Variants in C20orf96 observed in about 807,000 individuals in gnomAD.
C20orf96 encodes chromosome 20 open reading frame 96.
In C20orf96, 57 loss-of-function variants were observed where a neutral mutation model predicts 52.6. That is an observed-to-expected ratio of 1.08 (90% confidence interval 0.88 to 1.35). The LOEUF (loss-of-function observed/expected upper bound fraction) is 1.35. Ranked by LOEUF, C20orf96 falls within the 40% of genes most tolerant of loss-of-function variation. The pLI, the probability that C20orf96 is intolerant of heterozygous loss-of-function variation, is 0.00. For synonymous variants in C20orf96, 168 were observed against 157.2 expected (o/e 1.07, Z -0.51); for missense variants, 478 against 443.6 (o/e 1.08, Z -0.70).
chr20:279,375 C>T, intron 4 of C20orf96, 45 bp from the exon 5 acceptor site: 2 of 1,571,390 alleles, frequency 1.3e-6, no homozygotes, highest in Non-Finnish European at 8.6e-7. Flanking sequence ...GCGCCCTGCC[C>T]GGCCTGAGCC....
chr20:283,863 G>C (rs1284509152), intron 4 of C20orf96, 100 bp downstream of exon 4: 1 of 829,430 alleles, frequency 1.2e-6, no homozygotes, highest in South Asian at 1.5e-5. Context: ...GAAGAAATGA[G>C]TCAAGTCTGG....
chr20:281,470 C>T (rs66940550), intron 4 of C20orf96, among the ~76,000 whole-genome samples: 55,051 of 152,016 alleles, frequency 0.36, 10,250 homozygotes, highest in East Asian at 0.48. Flanking sequence ...TTTGCTCTTT[C>T]ATTTGTTCCT....
intron 6 of C20orf96, among the ~76,000 whole-genome samples, chr20:277,717 G>A (rs1466166670): frequency 6.6e-6 from 1 of 152,194 alleles, no homozygotes; most frequent in East Asian, 1.9e-4. Flanking sequence ...ACTCAAGGAA[G>A]TGAGACCAGG....
chr20:286,618 GAAAGA>G (rs1433055659), intron 3 of C20orf96, among the ~76,000 whole-genome samples: 1 of 148,458 alleles, frequency 6.7e-6, no homozygotes, highest in African/African-American at 2.4e-5. Context: ...AAAAAGAAAG[GAAAGA>G]AAAGGAAACA....
intron 6 of C20orf96, 57 bp from the exon 7 acceptor site, chr20:277,440 C>T (rs528569376): frequency 6.3e-7 from 1 of 1,593,592 alleles, no homozygotes; most frequent in Non-Finnish European, 8.5e-7. Context: ...CCCTCAAGCA[C>T]CTGGGCCCCA....
rs776036535 is a variant in C20orf96, at chr20:276,474, T to C, written c.912+319A>G. 1.7e-4 allele frequency: 168 copies of C among 985,226 alleles called. No homozygotes were observed. The Middle Eastern group carries it at 2.6e-3, about 15-fold the overall frequency. The allele number at this position is 985,226 out of a possible 1,614,324, so 61.0% of individuals were successfully genotyped here. ...TGGTGAAGTTCATTAACACTGATAA[T>C]GGGTGGTGGGCAGTAACAAGAATCA... On this transcript the variant is annotated intron_variant, in intron 9 of 10. Transcript: ENST00000360321.
intron 2 of C20orf96, 145 bp from the exon 3 acceptor site, chr20:289,821 C>A: frequency 1.5e-6 from 1 of 652,980 alleles, no homozygotes. Flanking sequence ...ATAATAAAAC[C>A]TACTTCTGTG....
At chr20:279,912 G>T (rs1469725921) in intron 4 of C20orf96, among the ~76,000 whole-genome samples, 1 of 152,172 alleles carries the variant, frequency 6.6e-6, no homozygotes, top group Non-Finnish European at 1.5e-5. Context: ...GGAGGTTGCA[G>T]TGAGCGAGAT....
intron 5 of C20orf96, 32 bp from the exon 6 acceptor site, chr20:278,461 G>A (rs1317608508): frequency 6.4e-7 from 1 of 1,551,312 alleles, no homozygotes; most frequent in East Asian, 2.2e-5. Context: ...CTCACCCACA[G>A]GCTCTGCTGG....
At chr20:279,374 C>A (rs1161866127) in intron 4 of C20orf96, 44 bp from the exon 5 acceptor site, 1 of 1,572,152 alleles carries the variant, frequency 6.4e-7, no homozygotes, top group Non-Finnish European at 8.6e-7. Context: ...TGCGCCCTGC[C>A]CGGCCTGAGC....
At chr20:279,453 T>TA in intron 4 of C20orf96, 123 bp from the exon 5 acceptor site, 1 of 1,115,650 alleles carries the variant, frequency 9.0e-7, no homozygotes, top group Non-Finnish European at 1.2e-6. Context: ...CTCCTGCTGG[T>TA]AAACGCGGCC....
At chr20:281,868 G>C (rs1304570995) in intron 4 of C20orf96, among the ~76,000 whole-genome samples, 1 of 152,200 alleles carries the variant, frequency 6.6e-6, no homozygotes, top group Non-Finnish European at 1.5e-5. Context: ...CCGAGAGGCT[G>C]AGGTGGGAGG....
intron 10 of C20orf96, 124 bp downstream of exon 10, chr20:275,844 A>C (rs111450572): frequency 0.015 from 13,234 of 889,878 alleles, 136 homozygotes; most frequent in African/African-American, 0.026. Context: ...GAAACCCAGG[A>C]CCGCCCCTCC....
intron 3 of C20orf96, among the ~76,000 whole-genome samples, chr20:284,612 T>C (rs2122306158): frequency 6.6e-6 from 1 of 152,328 alleles, no homozygotes; most frequent in African/African-American, 2.4e-5. Flanking sequence ...TCTCAACACT[T>C]TGGGAGGCCA....
intron 3 of C20orf96, among the ~76,000 whole-genome samples, chr20:287,979 A>G (rs1003300141): frequency 2.0e-5 from 3 of 146,888 alleles, no homozygotes; most frequent in African/African-American, 7.5e-5. Context: ...CAATTCATCT[A>G]TTTTTCTTTT....
Position 279,398 on chromosome 20 carries a change from T to C in C20orf96, c.307-68A>G, listed in dbSNP as rs2012188482. On this transcript the variant is annotated intron_variant, in intron 4 of 10. Transcript: ENST00000360321. The stretch of plus-strand genomic sequence containing the variant: ...CCCGGCCTGAGCCCCCGAAAGCCCG[T>C]GGACCCGCCGCCCCGGCCCCGCCAG... The C allele has an allele frequency of 2.7e-6, 4 of 1,493,996 alleles. No homozygotes were observed. In the South Asian group the frequency reaches 5.0e-5, roughly 19 times the overall value. 92.5% of individuals were successfully genotyped at this position (1,493,996 alleles called of 1,614,324 possible). A position where few individuals can be genotyped will look rare whatever the true frequency, so the allele number is the denominator to read the frequency against.
At chr20:275,360 G>A (rs1363592774) in intron 10 of C20orf96, among the ~76,000 whole-genome samples, 1 of 152,156 alleles carries the variant, frequency 6.6e-6, no homozygotes, top group Non-Finnish European at 1.5e-5. Context: ...GGAAGAAATG[G>A]CGATAGGAGA....
intron 10 of C20orf96, among the ~76,000 whole-genome samples, chr20:274,509 C>T (rs955910543): frequency 6.6e-6 from 1 of 152,206 alleles, no homozygotes; most frequent in African/African-American, 2.4e-5. Context: ...GAGGCCAACA[C>T]AGTCTCTAAA....
chr20:273,729 T>G (rs935199950), intron 10 of C20orf96, among the ~76,000 whole-genome samples: 1 of 151,374 alleles, frequency 6.6e-6, no homozygotes, highest in Non-Finnish European at 1.5e-5. Flanking sequence ...ACATAAAAAT[T>G]AGCCAGGCAT....
Sources: gnomAD v4.1 joint callset for allele counts (sites outside exome capture counted in the v4.1 genomes callset) on GRCh38, gnomAD v4.1.1 for gene constraint, MANE v1.5 for transcripts, NCBI Gene and HGNC (gene_info 2026-07-23, HGNC 2026-07-21) for gene names.